KRI1: variants seen among roughly 807,000 people sequenced by gnomAD.
KRI1 encodes the protein protein KRI1 homolog.
Under a neutral mutation model 97.0 loss-of-function variants are expected in KRI1, and 83 were observed. The ratio of observed to expected loss-of-function variants is 0.86; its 90% CI spans 0.72 to 1.03. The LOEUF (loss-of-function observed/expected upper bound fraction) is 1.03, where lower values mean the gene tolerates loss of function less well. KRI1 is among the 50% of genes least tolerant of loss of function. The probability of loss-of-function intolerance (pLI) is 0.00; values close to 1 mark genes in which losing one functional copy is unlikely to be tolerated. For synonymous variants in KRI1, 371 were observed against 363.5 expected, an observed-to-expected ratio of 1.02 and a Z score of -0.23; for missense variants, 916 against 928.4, an observed-to-expected ratio of 0.99 and a Z score of 0.17.
At chr19:10,564,786 G>T in intron 3 of KRI1, 143 bp downstream of exon 3, 1 of 704,550 alleles carries the variant, frequency 1.4e-6, no homozygotes, top group East Asian at 2.5e-5. Flanking sequence ...CAGCCCTGAG[G>T]GGAGATGCTA....
rs3745253 is a variant in KRI1, at chr19:10,558,041, C to T, written c.1290G>A (p.Thr430=). Residue 430 remains threonine (T), a synonymous_variant, in exon 14 of 19, where the codon ACG becomes ACA. Coordinates refer to ENST00000312962, the MANE Select transcript of KRI1 (RefSeq NM_023008.5). ...CTCCCTCCTGCTCAGGCCCGTCCCA[C>T]GTGTCCCAGTTCCAGTCGTCTGGAT... ...EGLEDDWNWD[T]WDGPEQEGDW... 2.1e-3 allele frequency: 3,321 copies of T among 1,614,074 alleles called. 93 individuals carry two copies. The East Asian group carries it at 0.056, about 27-fold the overall frequency.
In KRI1 at chr19:10,560,320, TTCC is replaced by T; in HGVS notation, c.789_791del (p.Glu266del). The T allele has an allele frequency of 6.2e-7, 1 of 1,608,166 alleles. No individual in the cohort carries two copies. Among genetic ancestry groups the T allele is most frequent in the Non-Finnish European group, 8.5e-7 (1 of 1,177,404 alleles). On this transcript the variant is annotated inframe_deletion, in exon 9 of 19. Coordinates refer to ENST00000312962, the MANE Select transcript of KRI1 (RefSeq NM_023008.5). The stretch of plus-strand genomic sequence containing the variant: ...GAGATGCAGTGGCTCACCCCTCCTC[TTCC>T]TCCATTTCCTCTTCATCTTCCTCCT...
Position 10,559,614 on chromosome 19 carries a change from C to T in KRI1, c.1022G>A (p.Arg341Lys). 6.2e-7 allele frequency: 1 copy of T among 1,614,100 alleles called. No individual in the cohort carries two copies. The highest frequency in any genetic ancestry group is 8.5e-7 in the Non-Finnish European group (1 of 1,180,040). The change falls in exon 11 of 19, where the codon AGG becomes AAG. Residue 341 changes from arginine to lysine, a missense_variant and splice_region_variant. Transcript: ENST00000312962. ...KREETRERKK[R>K]EKAKKQEELK... ...CCCCAGCTCACCCCCCACACTCACC[C>T]TCTTCTTTCGCTCCCGAGTCTCTTC...
chr19:10,560,502 AG>A, intron 8 of KRI1, 54 bp from the exon 9 acceptor site: 1 of 1,355,976 alleles, frequency 7.4e-7, no homozygotes, highest in Non-Finnish European at 1.0e-6. Flanking sequence ...GAAGGAGGGC[AG>A]GCATGCTCAC....
chr19:10,563,843 T>C (rs1916771578), intron 3 of KRI1, among the ~76,000 whole-genome samples: 1 of 151,952 alleles, frequency 6.6e-6, no homozygotes, highest in Admixed American at 6.6e-5. Flanking sequence ...CTGAATCTTT[T>C]GTAGAGATGG....
chr19:10,554,128 G>T lies in KRI1; in HGVS notation c.1935C>A (p.Ala645=). The change falls in exon 19 of 19, where the codon GCC becomes GCA. Residue 645 remains alanine (A), a synonymous_variant. Coordinates refer to ENST00000312962, the MANE Select transcript of KRI1 (RefSeq NM_023008.5). ...EAPVSPHKKP[A]PQKRRRAKKA... is the part of the protein sequence containing the mutation. ...TCTTGGCCCTCCTCCGCTTCTGGGG[G>T]GCTGGCTTCTTGTGGGGTGATACAG... is the stretch of plus-strand genomic sequence containing the variant. 6.2e-7 allele frequency: 1 copy of T among 1,614,150 alleles called. No homozygotes were observed. Among genetic ancestry groups the T allele is most frequent in the Non-Finnish European group, 8.5e-7 (1 of 1,180,030 alleles).
chr19:10,565,818 C>CCCG (rs773309677), intron 1 of KRI1, 28 bp from the exon 2 acceptor site: 1,586 of 1,550,082 alleles, frequency 1.0e-3, no homozygotes, highest in Non-Finnish European at 1.3e-3. Context: ...GATGCCCCCC[C>CCCG]CCAGGTCAGC....
intron 4 of KRI1, 103 bp downstream of exon 4, chr19:10,562,626 C>T (rs35523350): frequency 1.4e-6 from 1 of 720,790 alleles, no homozygotes; most frequent in African/African-American, 1.7e-5. Context: ...AGCCACCATG[C>T]CCGGCCCAGG....
intron 14 of KRI1, 28 bp downstream of exon 14, chr19:10,557,943 CT>C (rs1916564984): frequency 6.2e-7 from 1 of 1,613,828 alleles, no homozygotes; most frequent in Non-Finnish European, 8.5e-7. Context: ...GTCAGGGCCC[CT>C]GGGACTCCCT....
chr19:10,557,903 G>T lies in KRI1; in HGVS notation c.1360-8C>A. 6.2e-7 allele frequency: 1 copy of T among 1,613,624 alleles called. No homozygotes were observed. The highest frequency in any genetic ancestry group is 8.5e-7 in the Non-Finnish European group (1 of 1,179,898). The stretch of plus-strand genomic sequence containing the variant: ...GTCGTAGTCGGCGTCCATCTGCCAG[G>T]ACGCACAGGTCAGATCCCACCAGCC... On this transcript the variant is annotated splice_region_variant and splice_polypyrimidine_tract_variant and intron_variant, in intron 14 of 18. Coordinates refer to ENST00000312962, the MANE Select transcript of KRI1 (RefSeq NM_023008.5).
chr19:10,557,387 A>C (rs1916533694), intron 16 of KRI1, among the ~76,000 whole-genome samples, 165 bp downstream of exon 16: 1 of 152,064 alleles, frequency 6.6e-6, no homozygotes, highest in African/African-American at 2.4e-5. Context: ...GATTACAGGC[A>C]TGAGCCACTG....
At chr19:10,561,938 CG>C (rs576534461) in intron 4 of KRI1, 93 bp from the exon 5 acceptor site, 1 of 1,118,708 alleles carries the variant, frequency 8.9e-7, no homozygotes. Flanking sequence ...CAACAGCTGG[CG>C]GGGGTCATCG....
Position 10,553,343 on chromosome 19 carries a change from G to A in KRI1, c.*608C>T, listed in dbSNP as rs1483404492. ...TCACGTACTGTAGTTTGCACTGGAC[G>A]CCCGGGCCCTCCCTGTCCCAAAGCC... On this transcript the variant is annotated 3_prime_UTR_variant, in exon 19 of 19. Transcript: ENST00000312962. 2 of 365,770 alleles carry A rather than the reference G, an allele frequency of 5.5e-6. No homozygotes were observed. Among genetic ancestry groups the A allele is most frequent in the South Asian group, 6.0e-5 (1 of 16,710 alleles). The allele number at this position is 365,770 out of a possible 1,614,324, so 22.7% of individuals were successfully genotyped here.
At chr19:10,561,913 AG>A in intron 4 of KRI1, 68 bp from the exon 5 acceptor site, 2 of 1,464,626 alleles carry the variant, frequency 1.4e-6, no homozygotes, top group Non-Finnish European at 1.9e-6. Context: ...GCCCATGCGG[AG>A]CAGCTATTCC....
rs1049800003 is a variant in KRI1 at position 10,565,456 on chromosome 19, G to C, written c.168+261C>G. The C allele has an allele frequency of 7.2e-6, 4 of 556,290 alleles. No individual in the cohort carries two copies. In the South Asian group the frequency reaches 9.1e-5, roughly 13 times the overall value. 34.5% of individuals were successfully genotyped at this position (556,290 alleles called of 1,614,324 possible). A position where few individuals can be genotyped will look rare whatever the true frequency, so the allele number is the denominator to read the frequency against. ...ACTCTTGAGGATGAAAGAGGAAAGG[G>C]GGGGTTCTTGGGGGACAGAGTCGCC... is the stretch of plus-strand genomic sequence containing the variant. On this transcript the variant is annotated intron_variant, in intron 2 of 18. Transcript: ENST00000312962.
rs768341510 is a variant in KRI1, at chr19:10,560,447, G to A, written c.665C>T (p.Thr222Met). The change falls in exon 9 of 19, where the codon ACG (threonine) becomes ATG (methionine). Residue 222 changes from threonine (T) to methionine (M), a missense_variant and splice_region_variant. By Grantham distance (81) the Thr-to-Met change is moderately conservative. Transcript: ENST00000312962. ...GTCGTTCCAGTATTCCTTGAGATGC[G>A]TCTGGGGGTGACAGGAGACAGGACT... ...IRNPDSLKEL[T>M]HLKEYWNDPE... is the part of the protein sequence containing the mutation. 25 of 1,606,172 alleles carry A rather than the reference G, an allele frequency of 1.6e-5. No homozygotes were observed. The highest frequency in any genetic ancestry group is 5.4e-5 in the African/African-American group (4 of 74,688).
intron 2 of KRI1, chr19:10,565,394 C>T: frequency 2.0e-6 from 1 of 508,766 alleles, no homozygotes; most frequent in Non-Finnish European, 3.5e-6. Flanking sequence ...AGTTGGGCGC[C>T]CCACGTGGCG....
In KRI1 at chr19:10,553,201, C is replaced by G. The variant is rs1488471219; in HGVS notation, c.*750G>C. 3.5e-6 allele frequency: 4 copies of G among 1,152,740 alleles called. No homozygotes were observed. In the South Asian group the frequency reaches 6.4e-5, roughly 18 times the overall value. 71.4% of individuals were successfully genotyped at this position (1,152,740 alleles called of 1,614,324 possible). On this transcript the variant is annotated 3_prime_UTR_variant, in exon 19 of 19. Coordinates refer to ENST00000312962, the MANE Select transcript of KRI1 (RefSeq NM_023008.5). ...CCCCTCAAGCCCAGCTGCAACCAGT[C>G]TGGGGCCATTCAGCCAGGGACAGAG... is the stretch of plus-strand genomic sequence containing the variant.
rs368299003 is a variant in KRI1 at position 10,561,682 on chromosome 19, T to C, written c.473A>G (p.Lys158Arg). Residue 158 changes from lysine to arginine, a missense_variant, in exon 6 of 19, where the codon AAA (lysine) becomes AGA (arginine). This residue lies in a region of KRI1 where 71 missense variants were observed against 108.1 expected (regional missense o/e 0.66). Coordinates refer to ENST00000312962, the MANE Select transcript of KRI1 (RefSeq NM_023008.5). ...CCAGCCTCACCTTTCCTTGAGCTGT[T>C]TCTGTTCCTCCACATAACTTTGCGA... is the stretch of plus-strand genomic sequence containing the variant. The part of the protein sequence containing the change: ...TSSQSYVEEQ[K>R]QLKESFRAFV... 8 of 1,613,892 alleles carry C rather than the reference T, an allele frequency of 5.0e-6. No homozygotes were observed. Among genetic ancestry groups the C allele is most frequent in the Non-Finnish European group, 6.8e-6 (8 of 1,179,968 alleles).
Sources: allele counts gnomAD v4.1 joint callset (sites outside exome capture counted in the v4.1 genomes callset), GRCh38; gene constraint gnomAD v4.1.1; regional missense constraint gnomAD v4.1.1; transcripts MANE v1.5; gene names NCBI Gene and HGNC (gene_info 2026-07-23, HGNC 2026-07-21).